Variants in SUSD2 observed in about 807,000 individuals in gnomAD.
The protein encoded by SUSD2 is sushi domain-containing protein 2.
SUSD2 carries 86 observed loss-of-function variants against 93.8 expected under a neutral mutation model. The ratio of observed to expected loss-of-function variants is 0.92; its 90% CI spans 0.77 to 1.10. The LOEUF (loss-of-function observed/expected upper bound fraction) is 1.10, where lower values mean the gene tolerates loss of function less well. Among genes scored for constraint, SUSD2 ranks in the 50% least tolerant of loss-of-function variants. SUSD2 has a pLI of 0.00. For missense variants in SUSD2, 1,060 were observed against 1,137.0 expected (o/e 0.93, Z 0.97); for synonymous variants, 483 against 485.0 (o/e 1.00, Z 0.05).
rs772229751 is a variant in SUSD2, at chr22:24,184,865, C to T, written c.707C>T (p.Pro236Leu). 3.1e-6 allele frequency: 5 copies of T among 1,613,962 alleles called. No homozygotes were observed. The African/African-American group carries it at 6.7e-5, about 22-fold the overall frequency. The change falls in exon 5 of 15, where the codon CCT (proline) becomes CTT (leucine). Residue 236 changes from proline to leucine, a missense_variant. By Grantham distance (98) the Pro-to-Leu change is moderately conservative (BLOSUM62 -3). This residue lies in a region of SUSD2 where 973 missense variants were observed against 1,005.3 expected (regional missense o/e 0.97). Transcript: ENST00000358321. ...NSGSFTFTPK[P>L]APPSYQRWRV... Reference sequence around the variant, plus strand: ...GGCTCTTTCACTTTCACCCCAAAACCTGCTCCTCCCAGCTACCAGAGATGG... The same window carrying T: ...GGCTCTTTCACTTTCACCCCAAAACTTGCTCCTCCCAGCTACCAGAGATGG...
rs556216173 is a variant in SUSD2 at position 24,186,957 on chromosome 22, C to T, written c.1643-245C>T. On this transcript the variant is annotated intron_variant, in intron 10 of 14. Transcript: ENST00000358321. ...GCAGCCAAGGCCAGAGGGACCCACA[C>T]GTGCATCTCAACATGGGGGATTCAC... The T allele has an allele frequency of 2.4e-4, 137 of 581,672 alleles. No homozygotes were observed. The South Asian group carries it at 2.6e-3, about 11-fold the overall frequency. 36.0% of individuals were successfully genotyped at this position (581,672 alleles called of 1,614,324 possible).
intron 6 of SUSD2, 61 bp from the exon 7 acceptor site, chr22:24,185,425 C>T: frequency 6.5e-7 from 1 of 1,540,778 alleles, no homozygotes; most frequent in East Asian, 2.4e-5. Flanking sequence ...GCAGGGTTGG[C>T]CTCAGGGAGG....
Position 24,184,952 on chromosome 22 carries a change from T to C in SUSD2, c.782+12T>C. On this transcript the variant is annotated intron_variant, in intron 5 of 14. Transcript: ENST00000358321. ...TACGCAGGGCAGAAGTAAGAAGGCA[T>C]GGATGTGCAGGTGATGGCTGGAGGG... 1 of 1,613,258 alleles carries C rather than the reference T, an allele frequency of 6.2e-7. No individual in the cohort carries two copies. The highest frequency in any genetic ancestry group is 1.3e-5 in the African/African-American group (1 of 74,962).
chr22:24,183,679 C>G (rs1265166263), intron 3 of SUSD2, 33 bp downstream of exon 3: 6 of 1,599,314 alleles, frequency 3.8e-6, no homozygotes, highest in Middle Eastern at 3.3e-4. Flanking sequence ...AGCCTGCCCC[C>G]ACGGGGACTT....
At position 24,185,767 on chromosome 22, in the gene SUSD2, G is replaced by GGCGCACCCCCGTTCCGC; in HGVS notation, c.1178_1194dup (p.Thr399AlafsTer64). The GGCGCACCCCCGTTCCGC allele has an allele frequency of 6.2e-7, 1 of 1,609,878 alleles. No homozygotes were observed. The highest frequency in any genetic ancestry group is 8.5e-7 in the Non-Finnish European group (1 of 1,178,840). On this transcript the variant is annotated frameshift_variant, in exon 8 of 15. Coordinates refer to ENST00000358321, the MANE Select transcript of SUSD2 (RefSeq NM_019601.4). LOFTEE classifies it high-confidence loss of function. ...CACTCCCGACCGCGGCCATGACTGG[G>GGCGCACCCCCGTTCCGC]GCGCACCCCCGTTCCGCACGCCACC...
At position 24,183,476 on chromosome 22, in the gene SUSD2, A is replaced by T. The variant is rs2047338701; in HGVS notation, c.288-19A>T. 3 of 1,596,970 alleles carry T rather than the reference A, an allele frequency of 1.9e-6. No homozygotes were observed. Among genetic ancestry groups the T allele is most frequent in the Admixed American group, 1.7e-5 (1 of 59,308 alleles). ...AGCCTGCAATGACCCAGCCCCTCCC[A>T]CCACCACCACGCCCACAGGTTTAAG... On this transcript the variant is annotated intron_variant, in intron 2 of 14. Coordinates refer to ENST00000358321, the MANE Select transcript of SUSD2 (RefSeq NM_019601.4).
In SUSD2 at chr22:24,188,337, C is replaced by A; in HGVS notation, c.2444+10C>A. Reference sequence around the variant, plus strand: ...GCAGGAAGGGCAACACGTGAGACCCCCCAGCCCCTCTCCCAAGACCCCGAG... The same window carrying A: ...GCAGGAAGGGCAACACGTGAGACCCACCAGCCCCTCTCCCAAGACCCCGAG... On this transcript the variant is annotated intron_variant, in intron 14 of 14. Coordinates refer to ENST00000358321, the MANE Select transcript of SUSD2 (RefSeq NM_019601.4). The surrounding 1 kb of genome is among the most constrained non-coding windows in gnomAD (Gnocchi z 4.7). 6.2e-7 allele frequency: 1 copy of A among 1,608,902 alleles called. No homozygotes were observed. The highest frequency in any genetic ancestry group is 1.1e-5 in the South Asian group (1 of 90,970).
intron 2 of SUSD2, 26 bp downstream of exon 2, chr22:24,183,293 C>G (rs1320677653): frequency 1.9e-6 from 3 of 1,598,468 alleles, no homozygotes; most frequent in African/African-American, 1.3e-5. Context: ...AGGCCGGGCA[C>G]TGGGGCCCCA....
chr22:24,186,464 C>G (rs1163866965), intron 10 of SUSD2, 49 bp downstream of exon 10: 2 of 1,594,612 alleles, frequency 1.3e-6, no homozygotes, highest in East Asian at 2.2e-5. Flanking sequence ...ACCTCCTCCC[C>G]ATTCCTGCAG....
In SUSD2 at chr22:24,185,555, C is replaced by A. The variant is rs369579937; in HGVS notation, c.1054C>A (p.Arg352Ser). 3 of 1,589,090 alleles carry A rather than the reference C, an allele frequency of 1.9e-6. No homozygotes were observed. The highest frequency in any genetic ancestry group is 1.8e-5 in the Admixed American group (1 of 56,070). Residue 352 changes from arginine (R) to serine (S), a missense_variant, in exon 7 of 15, where the codon CGT (arginine) becomes AGT (serine). By Grantham distance (110) the Arg-to-Ser change is moderately radical (BLOSUM62 -1). Coordinates refer to ENST00000358321, the MANE Select transcript of SUSD2 (RefSeq NM_019601.4). ...CCACCCCGGGGCCGTGCACTGTGTG[C>A]GTTCTGTGCAGGCCAGGTGAGCCCC... Reference protein sequence around the residue: ...TYHPGAVHCVRSVQASLRYGS... With the variant: ...TYHPGAVHCVSSVQASLRYGS...
chr22:24,186,461 C>T (rs2047367401), intron 10 of SUSD2, 46 bp downstream of exon 10: 2 of 1,598,106 alleles, frequency 1.3e-6, no homozygotes, highest in Non-Finnish European at 1.7e-6. Context: ...CTCACCTCCT[C>T]CCCATTCCTG....
chr22:24,183,235 G>A lies in SUSD2; in HGVS notation c.255G>A (p.Met85Ile), dbSNP rs2047336570. ...ACTTTGTGGTGCGGCACTTCAAGAT[G>A]TCCAGCCCCACAGACGCCAGTGTGA... is the stretch of plus-strand genomic sequence containing the variant. ...GKDFVVRHFK[M>I]SSPTDASVIC... The change falls in exon 2 of 15, where the codon ATG becomes ATA. Residue 85 changes from methionine to isoleucine, a missense_variant. Around this residue, in one of 2 missense-constraint regions of SUSD2, gnomAD observed 87 missense variants for 131.6 expected, o/e 0.66. Coordinates refer to ENST00000358321, the MANE Select transcript of SUSD2 (RefSeq NM_019601.4). 6.2e-7 allele frequency: 1 copy of A among 1,613,654 alleles called. No homozygotes were observed. The highest frequency in any genetic ancestry group is 1.3e-5 in the African/African-American group (1 of 75,054).
intron 10 of SUSD2, chr22:24,186,814 C>T: frequency 2.5e-6 from 1 of 405,378 alleles, no homozygotes; most frequent in South Asian, 2.9e-5. Context: ...AACCCCTTGC[C>T]TCAGGGAACT....
rs564608805 is a variant in SUSD2, at chr22:24,188,442, G to C, written c.*6G>C. 5 of 1,609,386 alleles carry C rather than the reference G, an allele frequency of 3.1e-6. 1 individual carries two copies. The highest frequency in any genetic ancestry group is 4.5e-5 in the East Asian group (2 of 44,836). The stretch of plus-strand genomic sequence containing the variant: ...TCTGGGGTGCACAGCCCTGATGGGA[G>C]CAGCTTGGCTGTGAGCACCAGGCCA... On this transcript the variant is annotated 3_prime_UTR_variant, in exon 15 of 15. Coordinates refer to ENST00000358321, the MANE Select transcript of SUSD2 (RefSeq NM_019601.4). This position sits in a 1 kb window ranked among gnomAD's most constrained non-coding sequence, Gnocchi z 4.7.
chr22:24,181,801 T>C (rs1484772892), intron 1 of SUSD2, among the ~76,000 whole-genome samples: 1 of 152,136 alleles, frequency 6.6e-6, no homozygotes, highest in Non-Finnish European at 1.5e-5. Context: ...ACCCTAAACC[T>C]GCTGGTAGCT....
At position 24,183,064 on chromosome 22, in the gene SUSD2, A is replaced by G. The variant is rs1388491026; in HGVS notation, c.84A>G (p.Gln28=). The part of the protein sequence containing the change: ...GPGPGPTADA[Q]ESCSMRCGAL... ...CAGCATCCTCTCCTCCAGATGCCCA[A>G]GAGAGCTGCTCCATGCGCTGTGGCG... The change falls in exon 2 of 15, where the codon CAA becomes CAG. Residue 28 remains glutamine, a synonymous_variant. Transcript: ENST00000358321. 1.2e-6 allele frequency: 2 copies of G among 1,613,500 alleles called. No homozygotes were observed. Among genetic ancestry groups the G allele is most frequent in the African/African-American group, 1.3e-5 (1 of 74,928 alleles).
At chr22:24,187,868 G>C (rs754926206) in intron 12 of SUSD2, 25 bp downstream of exon 12, 1 of 1,604,054 alleles carries the variant, frequency 6.2e-7, no homozygotes. Flanking sequence ...GTGGGGGTGG[G>C]CGGGGAGCTG....
chr22:24,185,014 G>A, intron 5 of SUSD2, 74 bp downstream of exon 5: 6 of 1,611,484 alleles, frequency 3.7e-6, no homozygotes, highest in Non-Finnish European at 5.1e-6. Flanking sequence ...TGCCTGGGCA[G>A]CCCAGGCTGG....
Position 24,188,650 on chromosome 22 carries a change from A to G in SUSD2, c.*214A>G, listed in dbSNP as rs1253613515. ...TAGCAGCGCTCCGTGCTCTTCCCCA[A>G]ATACTCACGGCTCTAATTCCCCAAA... On this transcript the variant is annotated 3_prime_UTR_variant, in exon 15 of 15. Coordinates refer to ENST00000358321, the MANE Select transcript of SUSD2 (RefSeq NM_019601.4). This position sits in a 1 kb window ranked among gnomAD's most constrained non-coding sequence, Gnocchi z 4.7. 3 of 563,398 alleles carry G rather than the reference A, an allele frequency of 5.3e-6. No homozygotes were observed. Among genetic ancestry groups the G allele is most frequent in the Non-Finnish European group, 9.5e-6 (3 of 315,082 alleles). 34.9% of individuals were successfully genotyped at this position (563,398 alleles called of 1,614,324 possible).
Sources: allele counts gnomAD v4.1 joint callset (sites outside exome capture counted in the v4.1 genomes callset), GRCh38; gene constraint gnomAD v4.1.1; regional missense constraint gnomAD v4.1.1; non-coding constraint Gnocchi (gnomAD v3.1); transcripts MANE v1.5; gene names NCBI Gene and HGNC (gene_info 2026-07-23, HGNC 2026-07-21).